Variants in EFNA5 observed in about 807,000 individuals in gnomAD.
EFNA5 encodes ephrin A5.
EFNA5 carries 5 observed loss-of-function variants against 22.9 expected under a neutral mutation model. The ratio of observed to expected loss-of-function variants is 0.22; its 90% CI spans 0.11 to 0.46. The LOEUF is 0.46. EFNA5 is among the 20% of genes least tolerant of loss of function. The probability of loss-of-function intolerance (pLI) is 0.99; values close to 1 mark genes in which losing one functional copy is unlikely to be tolerated. For missense variants in EFNA5, 237 were observed against 293.3 expected (o/e 0.81, Z 1.40); for synonymous variants, 113 against 112.2 (o/e 1.01, Z -0.04).
At chr5:107,606,397 C>G (rs1319511051) in intron 1 of EFNA5, among the ~76,000 whole-genome samples, 1 of 152,036 alleles carries the variant, frequency 6.6e-6, no homozygotes, top group Non-Finnish European at 1.5e-5. Context: ...GTACATGAAG[C>G]CACTTGATTC....
At chr5:107,639,913 T>C (rs1395117289) in intron 1 of EFNA5, among the ~76,000 whole-genome samples, 5 of 152,142 alleles carry the variant, frequency 3.3e-5, no homozygotes, top group East Asian at 3.8e-4. Context: ...CCTAGAGATA[T>C]ACTAAAATAT....
chr5:107,476,792 G>A lies in EFNA5; in HGVS notation c.126-49283C>T, dbSNP rs1750325283. 5.9e-5 allele frequency among the ~76,000 whole-genome samples: 9 copies of A among 151,310 alleles called. No individual in the cohort carries two copies. The South Asian group carries it at 1.3e-3, about 21-fold the overall frequency. On this transcript the variant is annotated intron_variant, in intron 1 of 4. Coordinates refer to ENST00000333274, the MANE Select transcript of EFNA5 (RefSeq NM_001962.3). Reference sequence around the variant, plus strand: ...AACATCCAAACTGTGTTGTCACAGTGTATAAAACAGAGGCATATTCCTTTC... The same window carrying A: ...AACATCCAAACTGTGTTGTCACAGTATATAAAACAGAGGCATATTCCTTTC...
chr5:107,466,540 G>T (rs1351381221), intron 1 of EFNA5, among the ~76,000 whole-genome samples: 1 of 152,182 alleles, frequency 6.6e-6, no homozygotes, highest in Non-Finnish European at 1.5e-5. Flanking sequence ...TGAATGGAAT[G>T]CTACCCTTCC....
At chr5:107,423,736 A>T (rs2112417059) in intron 2 of EFNA5, among the ~76,000 whole-genome samples, 1 of 152,324 alleles carries the variant, frequency 6.6e-6, no homozygotes, top group South Asian at 2.1e-4. Flanking sequence ...AGTATTTGTC[A>T]GATTCAGAGA....
At chr5:107,385,386 T>G (rs1157759391) in intron 4 of EFNA5, among the ~76,000 whole-genome samples, 1 of 152,074 alleles carries the variant, frequency 6.6e-6, no homozygotes, top group Non-Finnish European at 1.5e-5. Context: ...CAGTGGAGAT[T>G]CCCTGGAAAA....
intron 1 of EFNA5, among the ~76,000 whole-genome samples, chr5:107,584,408 G>A (rs1467719357): frequency 6.6e-6 from 1 of 152,176 alleles, no homozygotes; most frequent in Non-Finnish European, 1.5e-5. Context: ...TTCAGAAAAA[G>A]GAGTATAGCC....
At chr5:107,609,593 G>A (rs977333880) in intron 1 of EFNA5, among the ~76,000 whole-genome samples, 3 of 152,160 alleles carry the variant, frequency 2.0e-5, no homozygotes, top group South Asian at 2.1e-4. Flanking sequence ...CTGAGCCCAC[G>A]TGAGAGCTGG....
intron 1 of EFNA5, among the ~76,000 whole-genome samples, chr5:107,537,967 C>T (rs1747962111): frequency 6.6e-6 from 1 of 152,060 alleles, no homozygotes; most frequent in Non-Finnish European, 1.5e-5. Flanking sequence ...GTCAGCTGTC[C>T]TCCAGGGCTG....
intron 1 of EFNA5, among the ~76,000 whole-genome samples, chr5:107,605,320 C>T (rs1749691094): frequency 6.6e-6 from 1 of 152,178 alleles, no homozygotes; most frequent in South Asian, 2.1e-4. Context: ...GAGACCATAA[C>T]TCAGCACATT....
chr5:107,530,897 A>AT (rs1747796997), intron 1 of EFNA5, among the ~76,000 whole-genome samples: 1 of 152,186 alleles, frequency 6.6e-6, no homozygotes, highest in Admixed American at 6.5e-5. Context: ...TACCTGGGAC[A>AT]TTGCCTCTCC....
chr5:107,653,233 C>A (rs1034888221), intron 1 of EFNA5, among the ~76,000 whole-genome samples: 1 of 152,210 alleles, frequency 6.6e-6, no homozygotes, highest in East Asian at 1.9e-4. Flanking sequence ...CTGGACCCAC[C>A]AAGACAAGCA....
At chr5:107,556,927 A>G (rs1455898680) in intron 1 of EFNA5, among the ~76,000 whole-genome samples, 1 of 151,586 alleles carries the variant, frequency 6.6e-6, no homozygotes, top group African/African-American at 2.4e-5. Context: ...CTTTTTTTTT[A>G]ATCTAAATTT....
At position 107,450,474 on chromosome 5, in the gene EFNA5, G is replaced by C. The variant is rs537580754; in HGVS notation, c.126-22965C>G. Among the ~76,000 whole-genome samples the C allele has an allele frequency of 2.6e-3, 389 of 152,278 alleles. 2 individuals are homozygous for C. Among genetic ancestry groups the C allele is most frequent in the African/African-American group, 9.0e-3 (375 of 41,546 alleles). On this transcript the variant is annotated intron_variant, in intron 1 of 4. Transcript: ENST00000333274. Reference sequence around the variant, plus strand: ...TATTTTCTCCTCCTAGTGTCCTTAAGCATGTGCAAAGCACTAATTCACACA... The same window carrying C: ...TATTTTCTCCTCCTAGTGTCCTTAACCATGTGCAAAGCACTAATTCACACA...
At chr5:107,562,054 G>A (rs554656336) in intron 1 of EFNA5, among the ~76,000 whole-genome samples, 25 of 152,226 alleles carry the variant, frequency 1.6e-4, no homozygotes, top group East Asian at 1.2e-3. Context: ...GGAAAGAAAC[G>A]GTCATGTGGA....
intron 1 of EFNA5, among the ~76,000 whole-genome samples, chr5:107,530,250 A>G (rs892975680): frequency 4.6e-5 from 7 of 152,236 alleles, no homozygotes; most frequent in Non-Finnish European, 1.0e-4. Context: ...CTATCTTGAA[A>G]GTTGTACATG....
At chr5:107,482,260 C>T (rs952073635) in intron 1 of EFNA5, among the ~76,000 whole-genome samples, 6 of 149,714 alleles carry the variant, frequency 4.0e-5, no homozygotes, top group African/African-American at 1.5e-4. Flanking sequence ...GAGCCGAGGT[C>T]GTGCCACTGT....
chr5:107,407,347 C>T (rs1227880313), intron 2 of EFNA5, among the ~76,000 whole-genome samples: 1 of 152,164 alleles, frequency 6.6e-6, no homozygotes, highest in African/African-American at 2.4e-5. Flanking sequence ...CTTTCGCATC[C>T]TCAGACCAAG....
chr5:107,493,035 A>AT (rs1746859392), intron 1 of EFNA5, among the ~76,000 whole-genome samples: 1 of 151,514 alleles, frequency 6.6e-6, no homozygotes, highest in East Asian at 2.0e-4. Flanking sequence ...TTCTTGTAAG[A>AT]TTTTTTTTCA....
At chr5:107,393,664 T>C (rs903781924) in intron 2 of EFNA5, among the ~76,000 whole-genome samples, 5 of 152,234 alleles carry the variant, frequency 3.3e-5, no homozygotes, top group East Asian at 1.9e-4. Context: ...AAAGAAAAGA[T>C]AGGCTATTAG....
Sources: gnomAD v4.1 joint callset for allele counts (sites outside exome capture counted in the v4.1 genomes callset) on GRCh38, gnomAD v4.1.1 for gene constraint, MANE v1.5 for transcripts, NCBI Gene and HGNC (gene_info 2026-07-23, HGNC 2026-07-21) for gene names.